The following CHN2 variants were observed in gnomAD, a reference collection of about 807,000 sequenced individuals.
CHN2 encodes chimerin 2, also known as beta-chimaerin.
CHN2 carries 35 observed loss-of-function variants against 56.3 expected under a neutral mutation model. The observed-to-expected ratio is 0.62, with a 90% CI of 0.47 to 0.82. CHN2 has a LOEUF of 0.82. CHN2 is among the 40% of genes least tolerant of loss of function. The pLI is 0.00. For synonymous variants in CHN2, 210 were observed against 212.8 expected (o/e 0.99, Z 0.12); for missense variants, 491 against 580.5 (o/e 0.85, Z 1.58).
chr7:29,215,405 A>G (rs1481688163), intron 1 of CHN2, among the ~76,000 whole-genome samples: 1 of 152,088 alleles, frequency 6.6e-6, no homozygotes, highest in Admixed American at 6.6e-5. Flanking sequence ...ACTTCTGTAA[A>G]TGTCACAGTC....
At chr7:29,499,721 G>A (rs895231203) in intron 8 of CHN2, 146 bp from the exon 9 acceptor site, 62 of 636,936 alleles carry the variant, frequency 9.7e-5, no homozygotes, top group Non-Finnish European at 1.4e-4. Flanking sequence ...TATTTATCCT[G>A]TAGAGAGTCC....
chr7:29,368,322 C>G (rs1207068127), intron 3 of CHN2, among the ~76,000 whole-genome samples: 3 of 152,102 alleles, frequency 2.0e-5, no homozygotes, highest in Non-Finnish European at 4.4e-5. Context: ...GAAATGCTTA[C>G]AGTAGAGAAA....
At chr7:29,405,932 G>A (rs1317835650) in intron 6 of CHN2, among the ~76,000 whole-genome samples, 6 of 152,108 alleles carry the variant, frequency 3.9e-5, no homozygotes, top group African/African-American at 9.7e-5. Context: ...AACAGAGGCC[G>A]TGGCCAGGCC....
chr7:29,491,258 CT>C (rs1407685688), intron 7 of CHN2, among the ~76,000 whole-genome samples: 2 of 151,966 alleles, frequency 1.3e-5, no homozygotes, highest in South Asian at 2.1e-4. Flanking sequence ...ATCTAAAAAT[CT>C]TTTTTTGTGA....
intron 4 of CHN2, among the ~76,000 whole-genome samples, chr7:29,396,251 C>T (rs1466331975): frequency 6.6e-6 from 1 of 151,910 alleles, no homozygotes; most frequent in Non-Finnish European, 1.5e-5. Flanking sequence ...GAGACCACTC[C>T]GGGCAACATG....
At chr7:29,456,479 T>A (rs1008019702) in intron 6 of CHN2, among the ~76,000 whole-genome samples, 12 of 152,146 alleles carry the variant, frequency 7.9e-5, no homozygotes, top group African/African-American at 2.9e-4. Context: ...GAAAGTGAAG[T>A]TCCCCTGTGC....
At chr7:29,367,670 A>G (rs1799272271) in intron 2 of CHN2, among the ~76,000 whole-genome samples, 2 of 152,190 alleles carry the variant, frequency 1.3e-5, no homozygotes, top group African/African-American at 4.8e-5. Context: ...CATAAAATGA[A>G]CAATGCCAGT....
intron 6 of CHN2, among the ~76,000 whole-genome samples, chr7:29,440,027 C>T (rs944401746): frequency 6.6e-6 from 1 of 152,108 alleles, no homozygotes; most frequent in African/African-American, 2.4e-5. Context: ...ATACTGGTGA[C>T]AAGAAATCAT....
chr7:29,443,766 G>A (rs748777874), intron 6 of CHN2, among the ~76,000 whole-genome samples: 1 of 151,704 alleles, frequency 6.6e-6, no homozygotes, highest in African/African-American at 2.4e-5. Context: ...TGGCAGGGGG[G>A]TGAGAGAGAT....
intron 6 of CHN2, among the ~76,000 whole-genome samples, chr7:29,474,057 T>G (rs1318122090): frequency 1.3e-5 from 2 of 152,188 alleles, no homozygotes; most frequent in East Asian, 3.8e-4. Flanking sequence ...CTTCAGCAGT[T>G]TGAGTGAATG....
intron 1 of CHN2, 58 bp downstream of exon 1, chr7:29,195,048 C>T (rs2128761419): frequency 6.5e-7 from 1 of 1,536,630 alleles, no homozygotes; most frequent in Non-Finnish European, 8.8e-7. Context: ...ACTGCCCTCG[C>T]CCCGCAGCCT....
intron 6 of CHN2, among the ~76,000 whole-genome samples, chr7:29,425,138 C>T (rs1026457217): frequency 1.3e-5 from 2 of 152,234 alleles, no homozygotes; most frequent in Non-Finnish European, 2.9e-5. Context: ...CGTTCGCTGT[C>T]CCTCTAGCAA....
intron 1 of CHN2, among the ~76,000 whole-genome samples, chr7:29,283,516 ATAAG>A (rs1209121634): frequency 6.6e-6 from 1 of 152,228 alleles, no homozygotes; most frequent in African/African-American, 2.4e-5. Flanking sequence ...TTTGCAGATA[ATAAG>A]TAAGGTCCCT....
intron 1 of CHN2, among the ~76,000 whole-genome samples, chr7:29,346,696 C>G (rs905208719): frequency 6.6e-6 from 1 of 152,202 alleles, no homozygotes; most frequent in Non-Finnish European, 1.5e-5. Flanking sequence ...TGGCTCCTTT[C>G]ATTTTCCAAA....
At chr7:29,309,411 A>G (rs540825896) in intron 1 of CHN2, among the ~76,000 whole-genome samples, 281 of 151,774 alleles carry the variant, frequency 1.9e-3, no homozygotes, top group Non-Finnish European at 2.6e-3. Flanking sequence ...TCCCTTCTCC[A>G]CTCATAGAGG....
chr7:29,181,916 T>G (rs1236224850), intron 2 of CHN2, among the ~76,000 whole-genome samples: 1 of 152,202 alleles, frequency 6.6e-6, no homozygotes, highest in African/African-American at 2.4e-5. Flanking sequence ...GGATGATTTC[T>G]TTTTTTGTTT....
intron 7 of CHN2, among the ~76,000 whole-genome samples, chr7:29,491,811 C>T (rs1788696241): frequency 6.6e-6 from 1 of 152,208 alleles, no homozygotes; most frequent in Non-Finnish European, 1.5e-5. Flanking sequence ...ATTAGTAGCT[C>T]TTCTTACATT....
chr7:29,220,092 T>A lies in CHN2; in HGVS notation c.49+25102T>A, dbSNP rs370495538. Among the ~76,000 whole-genome samples the A allele has an allele frequency of 1.8e-3, 276 of 149,302 alleles. 1 individual carries two copies. Among genetic ancestry groups the A allele is most frequent in the African/African-American group, 5.6e-3 (226 of 40,674 alleles). On this transcript the variant is annotated intron_variant, in intron 1 of 12. Transcript: ENST00000222792. The stretch of plus-strand genomic sequence containing the variant: ...TCTGTCTCAAAAAAATAAAAAAATT[T>A]AAAAAAAAAGGAAAAGTTGAAAATA...
chr7:29,291,938 T>G (rs757269065), intron 1 of CHN2, among the ~76,000 whole-genome samples: 1 of 152,194 alleles, frequency 6.6e-6, no homozygotes, highest in Non-Finnish European at 1.5e-5. Context: ...AAGTTTTGTT[T>G]GTATTACTGC....
Sources: gnomAD v4.1 joint callset for allele counts (sites outside exome capture counted in the v4.1 genomes callset) on GRCh38, gnomAD v4.1.1 for gene constraint, MANE v1.5 for transcripts, NCBI Gene and HGNC (gene_info 2026-07-23, HGNC 2026-07-21) for gene names.